Variants in GRID2 observed in about 807,000 individuals in gnomAD.
GRID2 encodes glutamate receptor ionotropic, delta-2.
GRID2 carries 33 observed loss-of-function variants against 114.8 expected under a neutral mutation model. The ratio of observed to expected loss-of-function variants is 0.29; its 90% confidence interval spans 0.22 to 0.38. The LOEUF (loss-of-function observed/expected upper bound fraction) is 0.38, where lower values mean the gene tolerates loss of function less well. Among genes scored for constraint, GRID2 ranks in the 10% least tolerant of loss-of-function variants. The pLI is 1.00. For missense variants in GRID2, 1,184 were observed against 1,257.7 expected (o/e 0.94, Z 0.89); for synonymous variants, 505 against 449.9 (o/e 1.12, Z -1.55).
Position 92,433,952 on chromosome 4 carries a change from C to T in GRID2, c.88+129208C>T, listed in dbSNP as rs545509293. 7.2e-5 allele frequency among the ~76,000 whole-genome samples: 11 copies of T among 152,276 alleles called. No individual in the cohort carries two copies. In the South Asian group the frequency reaches 2.1e-3, roughly 29 times the overall value. On this transcript the variant is annotated intron_variant, in intron 1 of 15. Transcript: ENST00000282020. ...TAAAAAAGAAGAACCTAGAATGAGG[C>T]CAATAATGCATATCATATACTTTAC... is the stretch of plus-strand genomic sequence containing the variant.
chr4:92,866,395 A>G (rs1183477348), intron 2 of GRID2, among the ~76,000 whole-genome samples: 2 of 152,166 alleles, frequency 1.3e-5, no homozygotes, highest in Admixed American at 6.5e-5. Flanking sequence ...GATTCTATTC[A>G]GAGGTAAGTA....
Position 93,224,673 on chromosome 4 carries a change from G to A in GRID2, c.1023G>A (p.Lys341=), listed in dbSNP as rs562449934. The part of the protein sequence containing the change: ...VLLLANAFHK[K]LEDRKWHSMA... ...TGCTTGCTAATGCTTTTCATAAGAA[G>A]CTGGAGGACCGAAAGTGGCACAGCA... is the stretch of plus-strand genomic sequence containing the variant. The change falls in exon 7 of 16, where the codon AAG becomes AAA. Residue 341 remains lysine (K), a synonymous_variant. Transcript: ENST00000282020. 1 of 1,611,830 alleles carries A rather than the reference G, an allele frequency of 6.2e-7. No homozygotes were observed. The highest frequency in any genetic ancestry group is 2.2e-5 in the East Asian group (1 of 44,800).
intron 14 of GRID2, among the ~76,000 whole-genome samples, chr4:93,672,112 G>C (rs998792508): frequency 2.0e-5 from 3 of 152,164 alleles, no homozygotes; most frequent in Non-Finnish European, 4.4e-5. Context: ...CTCACTACCA[G>C]TTGAGGAGTT....
At chr4:92,864,824 C>G (rs369503205) in intron 2 of GRID2, among the ~76,000 whole-genome samples, 4 of 152,148 alleles carry the variant, frequency 2.6e-5, no homozygotes, top group African/African-American at 9.7e-5. Context: ...TTATCTCAAC[C>G]TGTATCACGG....
At chr4:92,796,130 C>T (rs1255914722) in intron 2 of GRID2, among the ~76,000 whole-genome samples, 2 of 151,892 alleles carry the variant, frequency 1.3e-5, no homozygotes, top group Admixed American at 6.6e-5. Flanking sequence ...TTAGGATTCT[C>T]TTCCATAGCA....
chr4:93,294,682 C>A (rs1754103958), intron 8 of GRID2, among the ~76,000 whole-genome samples: 1 of 152,014 alleles, frequency 6.6e-6, no homozygotes, highest in Non-Finnish European at 1.5e-5. Flanking sequence ...CCTCAGCCTC[C>A]CGAGTAGCTG....
intron 13 of GRID2, among the ~76,000 whole-genome samples, chr4:93,535,147 A>G (rs1021381370): frequency 2.0e-5 from 3 of 151,266 alleles, no homozygotes; most frequent in Non-Finnish European, 4.4e-5. Flanking sequence ...GCTTTCCTCT[A>G]GGTCTATCCA....
At chr4:92,529,622 G>A (rs953623026) in intron 1 of GRID2, among the ~76,000 whole-genome samples, 1 of 152,088 alleles carries the variant, frequency 6.6e-6, no homozygotes, top group African/African-American at 2.4e-5. Flanking sequence ...GGTAGAACAT[G>A]AAGTTGGCCC....
intron 1 of GRID2, among the ~76,000 whole-genome samples, chr4:92,410,729 C>T (rs1186611210): frequency 1.3e-5 from 2 of 151,512 alleles, no homozygotes; most frequent in Admixed American, 6.6e-5. Context: ...ATCTGAAACT[C>T]TTGGGGGCAG....
At chr4:92,767,729 C>A (rs756053588) in intron 2 of GRID2, among the ~76,000 whole-genome samples, 1 of 151,846 alleles carries the variant, frequency 6.6e-6, no homozygotes, top group Non-Finnish European at 1.5e-5. Flanking sequence ...CCAGTCTGGG[C>A]GACAGAGACT....
chr4:93,797,250 A>G (rs904577392), intron 1 of GRID2, among the ~76,000 whole-genome samples: 2 of 152,230 alleles, frequency 1.3e-5, no homozygotes, highest in African/African-American at 2.4e-5. Flanking sequence ...TTCCACTTAC[A>G]TGTCAAAATA....
chr4:93,395,693 T>C lies in GRID2; in HGVS notation c.1332T>C (p.Arg444=), dbSNP rs1765263009. 3 of 1,490,278 alleles carry C rather than the reference T, an allele frequency of 2.0e-6. No homozygotes were observed. In the South Asian group the frequency reaches 3.4e-5, roughly 17 times the overall value. The allele number at this position is 1,490,278 out of a possible 1,614,324, so 92.3% of individuals were successfully genotyped here. The stretch of plus-strand genomic sequence containing the variant: ...ATAACATGCGTGGAGTGGTTCTACG[T>C]GTAGTAACTGTTCTGGTAAGTATTA... ...LENNMRGVVL[R]VVTVLEEPFV... The change falls in exon 9 of 16, where the codon CGT becomes CGC. Residue 444 remains arginine, a synonymous_variant. Coordinates refer to ENST00000282020, the MANE Select transcript of GRID2 (RefSeq NM_001510.4).
chr4:92,399,684 T>C (rs28478318), intron 1 of GRID2, among the ~76,000 whole-genome samples: 8,410 of 148,972 alleles, frequency 0.056, 803 homozygotes, highest in African/African-American at 0.19. Flanking sequence ...TATATATATA[T>C]ACATACATGT....
chr4:93,706,522 C>A (rs1052032411), intron 14 of GRID2, among the ~76,000 whole-genome samples: 2 of 152,096 alleles, frequency 1.3e-5, no homozygotes, highest in East Asian at 3.8e-4. Context: ...AGATTGTTCA[C>A]TGTTGGCATA....
chr4:92,318,375 GGTTCA>G (rs1205656123), intron 1 of GRID2, among the ~76,000 whole-genome samples: 1 of 143,602 alleles, frequency 7.0e-6, no homozygotes, highest in Non-Finnish European at 1.5e-5. Flanking sequence ...GAAATCGACT[GGTTCA>G]GTTCACTTCC....
chr4:93,235,162 T>C (rs1746629810), intron 7 of GRID2, among the ~76,000 whole-genome samples: 2 of 152,274 alleles, frequency 1.3e-5, no homozygotes, highest in South Asian at 4.1e-4. Flanking sequence ...CTTCTTTTAA[T>C]TTTTCTACTC....
chr4:92,782,226 G>A (rs189299799), intron 2 of GRID2, among the ~76,000 whole-genome samples: 5 of 152,046 alleles, frequency 3.3e-5, no homozygotes, highest in Non-Finnish European at 5.9e-5. Context: ...AATTTCTTCA[G>A]GAATTTGGGG....
At chr4:93,634,397 G>A (rs774484634) in intron 14 of GRID2, among the ~76,000 whole-genome samples, 37 of 152,252 alleles carry the variant, frequency 2.4e-4, no homozygotes, top group Admixed American at 1.3e-3. Flanking sequence ...AGGGATTTAG[G>A]TAGAGAAACT....
intron 1 of GRID2, among the ~76,000 whole-genome samples, chr4:92,379,015 G>A (rs1042330383): frequency 8.6e-5 from 13 of 151,502 alleles, no homozygotes; most frequent in Non-Finnish European, 1.6e-4. Flanking sequence ...TTTTGTAAAG[G>A]AAATTACTCC....
Sources: allele counts gnomAD v4.1 joint callset (sites outside exome capture counted in the v4.1 genomes callset), GRCh38; gene constraint gnomAD v4.1.1; transcripts MANE v1.5; gene names NCBI Gene and HGNC (gene_info 2026-07-23, HGNC 2026-07-21).